The following RNF24 variants were observed in gnomAD, a reference collection of about 807,000 sequenced individuals.
The protein encoded by RNF24 is ring finger protein 24.
A neutral mutation model predicts 20.0 loss-of-function variants in RNF24; 14 were observed. The ratio of observed to expected loss-of-function variants is 0.70; its 90% CI spans 0.46 to 1.10. RNF24 has a LOEUF of 1.10. RNF24 is among the 50% of genes least tolerant of loss of function. The pLI is 0.00. For missense variants in RNF24, 124 were observed against 177.6 expected (o/e 0.70, Z 1.71); for synonymous variants, 45 against 61.1 (o/e 0.74, Z 1.23).
At chr20:3,935,174 T>C in intron 4 of RNF24, 101 bp from the exon 5 acceptor site, 1 of 796,598 alleles carries the variant, frequency 1.3e-6, no homozygotes, top group East Asian at 2.5e-5. Flanking sequence ...TTGAAGGGAC[T>C]CATGAGACTC....
At chr20:3,963,520 C>A (rs2091225805) in intron 2 of RNF24, among the ~76,000 whole-genome samples, 1 of 152,164 alleles carries the variant, frequency 6.6e-6, no homozygotes, top group African/African-American at 2.4e-5. Flanking sequence ...ACCTAATGAC[C>A]TTAGCTAACA....
At chr20:4,000,013 C>T (rs968679040) in intron 1 of RNF24, among the ~76,000 whole-genome samples, 3 of 151,810 alleles carry the variant, frequency 2.0e-5, no homozygotes, top group Middle Eastern at 3.2e-3. Context: ...GGGGGAGGAG[C>T]GGGGAGAATG....
At chr20:4,002,702 AC>A (rs1381915912) in intron 1 of RNF24, among the ~76,000 whole-genome samples, 1 of 152,220 alleles carries the variant, frequency 6.6e-6, no homozygotes, top group Non-Finnish European at 1.5e-5. Context: ...CTCAGATATG[AC>A]CAGACAGCTA....
intron 1 of RNF24, among the ~76,000 whole-genome samples, chr20:4,005,730 T>G (rs79656449): frequency 0.014 from 2,154 of 152,288 alleles, 27 homozygotes; most frequent in African/African-American, 0.028. Context: ...AGCTATAATT[T>G]TTTTTTGGTT....
intron 1 of RNF24, among the ~76,000 whole-genome samples, chr20:4,013,582 A>C (rs138561828): frequency 1.6e-3 from 243 of 151,670 alleles, no homozygotes; most frequent in African/African-American, 5.7e-3. Flanking sequence ...CGGGAGTTCA[A>C]GCGATTCTCC....
At chr20:3,974,955 A>G (rs1371030780) in intron 1 of RNF24, among the ~76,000 whole-genome samples, 1 of 152,182 alleles carries the variant, frequency 6.6e-6, no homozygotes, top group Non-Finnish European at 1.5e-5. Flanking sequence ...CAGCTAAAGC[A>G]ATTTTGAAAA....
chr20:3,984,109 A>T (rs983529650), intron 1 of RNF24, among the ~76,000 whole-genome samples: 6 of 152,064 alleles, frequency 3.9e-5, no homozygotes, highest in Non-Finnish European at 5.9e-5. Context: ...GTACACCTGT[A>T]GTCCTAGCTA....
chr20:3,944,740 C>G (rs1248909230), intron 4 of RNF24, among the ~76,000 whole-genome samples: 2 of 152,204 alleles, frequency 1.3e-5, no homozygotes, highest in African/African-American at 2.4e-5. Flanking sequence ...CATATCGCTA[C>G]CTGTGTGTTC....
At chr20:3,947,383 TA>T (rs1364628732) in intron 3 of RNF24, among the ~76,000 whole-genome samples, 1 of 152,102 alleles carries the variant, frequency 6.6e-6, no homozygotes, top group African/African-American at 2.4e-5. Context: ...AAGAAAAAAA[TA>T]ATTTTACTTG....
chr20:4,007,588 A>G (rs979305490), intron 1 of RNF24, among the ~76,000 whole-genome samples: 1 of 152,122 alleles, frequency 6.6e-6, no homozygotes, highest in African/African-American at 2.4e-5. Context: ...GGCTTGAAAT[A>G]AAAATATTTT....
intron 3 of RNF24, 27 bp from the exon 4 acceptor site, chr20:3,945,245 T>A: frequency 6.4e-7 from 1 of 1,564,032 alleles, no homozygotes; most frequent in Non-Finnish European, 8.7e-7. Flanking sequence ...TATGTTCTTA[T>A]GCCCATTTAA....
At chr20:3,968,947 G>C (rs1218162310) in intron 1 of RNF24, among the ~76,000 whole-genome samples, 3 of 152,056 alleles carry the variant, frequency 2.0e-5, no homozygotes, top group Non-Finnish European at 4.4e-5. Flanking sequence ...ATAGATTTGA[G>C]ATTTATCCTA....
chr20:3,970,665 T>A (rs1011877121), intron 1 of RNF24, among the ~76,000 whole-genome samples: 4 of 152,046 alleles, frequency 2.6e-5, no homozygotes, highest in African/African-American at 9.7e-5. Context: ...ATGGAAATTA[T>A]AGAACTGAAA....
At chr20:3,984,997 G>T (rs1979758019) in intron 1 of RNF24, among the ~76,000 whole-genome samples, 1 of 151,982 alleles carries the variant, frequency 6.6e-6, no homozygotes, top group Non-Finnish European at 1.5e-5. Flanking sequence ...GGCTTCCTCC[G>T]ATTTACACTC....
chr20:3,966,825 C>T (rs1433602467), intron 1 of RNF24, among the ~76,000 whole-genome samples: 5 of 152,202 alleles, frequency 3.3e-5, no homozygotes, highest in Non-Finnish European at 7.3e-5. Flanking sequence ...CTCAGACACA[C>T]ACAGCAGTAG....
chr20:3,978,905 AG>A (rs1160996751), intron 1 of RNF24, among the ~76,000 whole-genome samples: 1 of 151,344 alleles, frequency 6.6e-6, no homozygotes, highest in African/African-American at 2.4e-5. Flanking sequence ...CAGGAGTTCA[AG>A]ATCAGTCTGG....
chr20:4,012,971 T>C (rs140749790), intron 1 of RNF24, among the ~76,000 whole-genome samples: 5 of 152,304 alleles, frequency 3.3e-5, no homozygotes, highest in South Asian at 2.1e-4. Context: ...TGTACTGGGT[T>C]ACTTCAACAT....
chr20:3,950,834 TTAAC>T (rs770761538), intron 2 of RNF24, among the ~76,000 whole-genome samples: 2 of 152,232 alleles, frequency 1.3e-5, no homozygotes, highest in Non-Finnish European at 2.9e-5. Context: ...TGATATATTA[TTAAC>T]TAAACTACAG....
At chr20:3,971,973 G>A (rs1353689197) in intron 1 of RNF24, among the ~76,000 whole-genome samples, 1 of 152,062 alleles carries the variant, frequency 6.6e-6, no homozygotes, top group East Asian at 1.9e-4. Context: ...TGTAATGCAA[G>A]CATTAATCAA....
Sources: gnomAD v4.1 joint callset for allele counts (sites outside exome capture counted in the v4.1 genomes callset) on GRCh38, gnomAD v4.1.1 for gene constraint, MANE v1.5 for transcripts, NCBI Gene and HGNC (gene_info 2026-07-23, HGNC 2026-07-21) for gene names.